The following PRMT8 variants were observed in gnomAD, a reference collection of about 807,000 sequenced individuals.
The protein encoded by PRMT8 is protein arginine methyltransferase 8, also known as protein arginine N-methyltransferase 8.
PRMT8 carries 7 observed loss-of-function variants against 47.1 expected under a neutral mutation model. The observed-to-expected ratio is 0.15, with a 90% CI of 0.08 to 0.28. The LOEUF (loss-of-function observed/expected upper bound fraction) is 0.28. Among genes scored for constraint, PRMT8 ranks in the 10% least tolerant of loss-of-function variants. PRMT8 has a pLI of 1.00. For missense variants in PRMT8, 237 were observed against 505.4 expected, an observed-to-expected ratio of 0.47 and a Z score of 5.09; for synonymous variants, 188 against 186.5, an observed-to-expected ratio of 1.01 and a Z score of -0.07.
At position 3,514,206 on chromosome 12, in the gene PRMT8, C is replaced by A. The variant is rs1865753286; in HGVS notation, c.75+22506C>A. ...GATGTTCTAGCCTCTCTGAATTCATCCTGCCTTTTTTTTTTTTTTCTGTTA... is the reference window on the plus strand; with the variant it reads ...GATGTTCTAGCCTCTCTGAATTCATACTGCCTTTTTTTTTTTTTTCTGTTA... On this transcript the variant is annotated intron_variant, in intron 1 of 9. Transcript: ENST00000382622. This position sits in a 1 kb window ranked among gnomAD's most constrained non-coding sequence, Gnocchi z 5.9. 4.0e-5 allele frequency among the ~76,000 whole-genome samples: 6 copies of A among 149,370 alleles called. No individual in the cohort carries two copies.
rs142164256 is a variant in PRMT8, at chr12:3,474,572, G to A, written c.49-66034G>A. Among the ~76,000 whole-genome samples the A allele has an allele frequency of 2.6e-3, 388 of 152,126 alleles. 3 individuals carry two copies. Among genetic ancestry groups the A allele is most frequent in the African/African-American group, 8.7e-3 (359 of 41,482 alleles). ...TGCCTCATCTCCACCAGCTGACACTGTGCAGACTCCATGCTCTCCCCTGGC... is the reference window on the plus strand; with the variant it reads ...TGCCTCATCTCCACCAGCTGACACTATGCAGACTCCATGCTCTCCCCTGGC... On this transcript the variant is annotated intron_variant, in intron 1 of 9. Coordinates refer to the PRMT8 transcript ENST00000452611.
At chr12:3,385,744 A>G (rs1262546310) in intron 1 of PRMT8, among the ~76,000 whole-genome samples, 1 of 152,220 alleles carries the variant, frequency 6.6e-6, no homozygotes, top group African/African-American at 2.4e-5. Context: ...ACTTTTACAT[A>G]TTCTAAGTGA....
chr12:3,542,229 A>G (rs906949994), intron 2 of PRMT8, among the ~76,000 whole-genome samples: 6 of 152,294 alleles, frequency 3.9e-5, no homozygotes, highest in African/African-American at 1.4e-4. Context: ...ACTGTTCACC[A>G]TGTAAAACCA....
At chr12:3,449,643 G>C (rs1446571929) in intron 1 of PRMT8, among the ~76,000 whole-genome samples, 1 of 152,178 alleles carries the variant, frequency 6.6e-6, no homozygotes, top group East Asian at 1.9e-4. Context: ...GACCTTGTCA[G>C]ATGGATAGAT....
intron 1 of PRMT8, among the ~76,000 whole-genome samples, chr12:3,446,467 A>G (rs1461291957): frequency 1.3e-5 from 2 of 152,034 alleles, no homozygotes; most frequent in Non-Finnish European, 2.9e-5. Context: ...CCTCAGCCAC[A>G]TGCTGTTCTG....
chr12:3,474,491 A>G (rs1434024674), intron 1 of PRMT8, among the ~76,000 whole-genome samples: 1 of 151,296 alleles, frequency 6.6e-6, no homozygotes, highest in African/African-American at 2.4e-5. Context: ...TTGGCTTTTC[A>G]CCCGATGCTC....
At chr12:3,513,560 C>T (rs865935863) in intron 1 of PRMT8, among the ~76,000 whole-genome samples, 1 of 152,174 alleles carries the variant, frequency 6.6e-6, no homozygotes, top group Non-Finnish European at 1.5e-5. Context: ...GTGTTTCCTT[C>T]TGTTACTTCT....
intron 1 of PRMT8, among the ~76,000 whole-genome samples, chr12:3,483,109 G>T (rs1865290133): frequency 6.6e-6 from 1 of 152,186 alleles, no homozygotes; most frequent in Admixed American, 6.5e-5. Context: ...TAAAATGGGG[G>T]TAACCATGTA....
Position 3,576,765 on chromosome 12 carries a change from G to A in PRMT8, c.713-106G>A, listed in dbSNP as rs1866952837. ...CCTCTATTTCGATGCAAGGGAACTC[G>A]AGCTGCCACTCAGCCCTCAGGCACG... On this transcript the variant is annotated intron_variant, in intron 6 of 9. Transcript: ENST00000382622. This position sits in a 1 kb window ranked among gnomAD's most constrained non-coding sequence, Gnocchi z 4.0. 6.2e-6 allele frequency: 5 copies of A among 802,532 alleles called. No individual in the cohort carries two copies. The highest frequency in any genetic ancestry group is 2.1e-5 in the Admixed American group (1 of 47,334). The allele number at this position is 802,532 out of a possible 1,614,324, so 49.7% of individuals were successfully genotyped here.
chr12:3,556,953 A>G (rs1156570742), intron 4 of PRMT8, among the ~76,000 whole-genome samples: 1 of 152,176 alleles, frequency 6.6e-6, no homozygotes, highest in East Asian at 1.9e-4. Context: ...CAGTTCAGCC[A>G]TAGAAGTGGG....
chr12:3,480,331 ACTT>A lies in PRMT8; in HGVS notation c.49-60270_49-60268del, dbSNP rs544913733. Among the ~76,000 whole-genome samples the A allele has an allele frequency of 2.1e-3, 327 of 152,280 alleles. 6 individuals carry two copies. The highest frequency in any genetic ancestry group is 0.02 in the Admixed American group (305 of 15,294). The stretch of plus-strand genomic sequence containing the variant: ...GCCCCAGAGCACAGGCTTTCCCAGT[ACTT>A]CTTCCTTCTTCCCCCTTGCTTGTTC... On this transcript the variant is annotated intron_variant, in intron 1 of 9. Coordinates refer to the PRMT8 transcript ENST00000452611.
chr12:3,547,825 G>A (rs1866351092), intron 2 of PRMT8, among the ~76,000 whole-genome samples: 1 of 152,202 alleles, frequency 6.6e-6, no homozygotes, highest in South Asian at 2.1e-4. Context: ...TTGCTAAAAT[G>A]TCAGTTCTCC....
At chr12:3,504,520 C>T (rs1326529232) in intron 1 of PRMT8, among the ~76,000 whole-genome samples, 1 of 114,724 alleles carries the variant, frequency 8.7e-6, no homozygotes, top group African/African-American at 2.7e-5. Flanking sequence ...GCTCGGGGGT[C>T]AGGGGTCAGG....
intron 1 of PRMT8, among the ~76,000 whole-genome samples, chr12:3,439,709 G>A (rs1372777385): frequency 6.6e-6 from 1 of 152,160 alleles, no homozygotes; most frequent in Non-Finnish European, 1.5e-5. Context: ...GGGTTCACAT[G>A]AGAAACAAAG....
intron 1 of PRMT8, among the ~76,000 whole-genome samples, chr12:3,391,769 C>G: frequency 6.6e-6 from 1 of 152,044 alleles, no homozygotes. Context: ...TGATGGTACA[C>G]GATAGATGTT....
intron 1 of PRMT8, among the ~76,000 whole-genome samples, chr12:3,484,183 C>T (rs1865300701): frequency 6.6e-6 from 1 of 152,156 alleles, no homozygotes; most frequent in Admixed American, 6.5e-5. Flanking sequence ...GCTCTTCAGC[C>T]TTTATTTTGG....
At chr12:3,480,084 TG>T (rs1324021512) in intron 1 of PRMT8, among the ~76,000 whole-genome samples, 1 of 152,218 alleles carries the variant, frequency 6.6e-6, no homozygotes, top group Non-Finnish European at 1.5e-5. Flanking sequence ...CAAACCCTGA[TG>T]GGCATATTTC....
intron 1 of PRMT8, among the ~76,000 whole-genome samples, chr12:3,519,022 C>T (rs1240850351): frequency 6.6e-6 from 1 of 152,154 alleles, no homozygotes. Flanking sequence ...ACCCTGAAGG[C>T]AGGGGAGAGC....
intron 1 of PRMT8, among the ~76,000 whole-genome samples, chr12:3,513,115 C>G (rs1023366973): frequency 2.0e-5 from 3 of 152,148 alleles, no homozygotes; most frequent in Non-Finnish European, 4.4e-5. Flanking sequence ...ATGCAGCACT[C>G]TCCTTGGAAA....
Sources: allele counts gnomAD v4.1 joint callset (sites outside exome capture counted in the v4.1 genomes callset), GRCh38; gene constraint gnomAD v4.1.1; non-coding constraint Gnocchi (gnomAD v3.1); transcripts MANE v1.5; gene names NCBI Gene and HGNC (gene_info 2026-07-23, HGNC 2026-07-21).